PALMD: variants seen among roughly 807,000 people sequenced by gnomAD.
PALMD encodes paralemmin-like protein.
Under a neutral mutation model 56.2 loss-of-function variants are expected in PALMD, and 42 were observed. That is an observed-to-expected ratio of 0.75 (90% CI 0.58 to 0.97). PALMD has a LOEUF of 0.97. Among genes scored for constraint, PALMD ranks in the 50% least tolerant of loss-of-function variants. The pLI, the probability that PALMD is intolerant of heterozygous loss-of-function variation, is 0.00. For missense variants in PALMD, 660 were observed against 643.8 expected (o/e 1.03, Z -0.27); for synonymous variants, 242 against 222.9 (o/e 1.09, Z -0.76).
chr1:99,688,934 G>A lies in PALMD; in HGVS notation c.674G>A (p.Ser225Asn), dbSNP rs1453046458. ...KSVYAVSSNH[S>N]AAYNGTDGLA... ...GTGTATGCAGTAAGTTCTAATCACAGTGCAGCATACAATGGCACCGATGGC... is the reference window on the plus strand; with the variant it reads ...GTGTATGCAGTAAGTTCTAATCACAATGCAGCATACAATGGCACCGATGGC... The change falls in exon 7 of 8, where the codon AGT becomes AAT. Residue 225 changes from serine to asparagine, a missense_variant. Coordinates refer to ENST00000263174, the MANE Select transcript of PALMD (RefSeq NM_017734.5). The A allele has an allele frequency of 1.5e-5, 24 of 1,613,458 alleles. No individual in the cohort carries two copies. Among genetic ancestry groups the A allele is most frequent in the Non-Finnish European group, 1.9e-5 (22 of 1,179,634 alleles).
intron 2 of PALMD, among the ~76,000 whole-genome samples, chr1:99,664,493 C>T (rs1652917779): frequency 6.6e-6 from 1 of 152,080 alleles, no homozygotes; most frequent in South Asian, 2.1e-4. Context: ...GTAACTGATA[C>T]ATAAACTCAT....
chr1:99,688,520 C>G (rs1653567621), intron 6 of PALMD, among the ~76,000 whole-genome samples: 1 of 152,116 alleles, frequency 6.6e-6, no homozygotes, highest in Admixed American at 6.6e-5. Flanking sequence ...ATCAGCTTAT[C>G]TTCTCTAATC....
chr1:99,656,162 C>T (rs577584848), intron 1 of PALMD, among the ~76,000 whole-genome samples: 7 of 152,172 alleles, frequency 4.6e-5, no homozygotes, highest in African/African-American at 7.2e-5. Flanking sequence ...TCTTCTTACC[C>T]GACATCATTT....
intron 1 of PALMD, among the ~76,000 whole-genome samples, chr1:99,648,507 A>G (rs1410140044): frequency 1.3e-5 from 2 of 152,152 alleles, no homozygotes; most frequent in African/African-American, 4.8e-5. Context: ...AGAATCTCCA[A>G]CCTAGACTAA....
In PALMD at chr1:99,662,336, G is replaced by A. The variant is rs1216692232; in HGVS notation, c.63G>A (p.Gln21=). The A allele has an allele frequency of 6.4e-7, 1 of 1,560,254 alleles. No homozygotes were observed. The highest frequency in any genetic ancestry group is 2.3e-5 in the East Asian group (1 of 44,334). ...TATTTCAGGATAAAAGAAAAATACA[G>A]GAAGAAATCTCACAGAAGCGTCTGA... is the stretch of plus-strand genomic sequence containing the variant. The part of the protein sequence containing the change: ...LQAITDKRKI[Q]EEISQKRLKI... Residue 21 remains glutamine (Q), a synonymous_variant, in exon 2 of 8, where the codon CAG becomes CAA. Transcript: ENST00000263174.
intron 3 of PALMD, among the ~76,000 whole-genome samples, chr1:99,677,527 A>C (rs1401611689): frequency 2.6e-5 from 4 of 152,154 alleles, no homozygotes; most frequent in African/African-American, 9.7e-5. Flanking sequence ...TTGGCTATAC[A>C]GTCAAAGCCA....
At chr1:99,667,565 TA>T in intron 2 of PALMD, 76 bp from the exon 3 acceptor site, 2 of 1,200,660 alleles carry the variant, frequency 1.7e-6, no homozygotes, top group Non-Finnish European at 2.4e-6. Context: ...TTGAAATTCA[TA>T]AGATTTGAAA....
chr1:99,689,428 G>A lies in PALMD; in HGVS notation c.1168G>A (p.Glu390Lys), dbSNP rs1241073554. The change falls in exon 7 of 8, where the codon GAG (glutamate) becomes AAG (lysine). Residue 390 changes from glutamate (E) to lysine (K), a missense_variant. By Grantham distance (56) the Glu-to-Lys change is moderately conservative. Transcript: ENST00000263174. ...CCAGAATTCTTCACCCACTTGTCAG[G>A]AGGACGAGGAAGATGTCAGATATAA... Reference protein sequence around the residue: ...EHQNSSPTCQEDEEDVRYNIV... With the variant: ...EHQNSSPTCQKDEEDVRYNIV... The A allele has an allele frequency of 1.2e-6, 2 of 1,613,756 alleles. No homozygotes were observed. Among genetic ancestry groups the A allele is most frequent in the East Asian group, 2.2e-5 (1 of 44,854 alleles).
At chr1:99,656,969 T>C (rs1304778833) in intron 1 of PALMD, among the ~76,000 whole-genome samples, 1 of 152,214 alleles carries the variant, frequency 6.6e-6, no homozygotes, top group East Asian at 1.9e-4. Context: ...TCATTGCTCC[T>C]TTCAGTTATG....
Position 99,693,035 on chromosome 1 carries a change from T to G in PALMD, c.1613-984T>G, listed in dbSNP as rs1369787840. Among the ~76,000 whole-genome samples the G allele has an allele frequency of 2.0e-5, 3 of 152,234 alleles. No homozygotes were observed. The East Asian group carries it at 5.8e-4, about 29-fold the overall frequency. On this transcript the variant is annotated intron_variant, in intron 7 of 7. Transcript: ENST00000263174. ...AAATAATCATGGTCTTGTTACAGAATTAGATCCCATCCCTTCTCATATTTG... is the reference window on the plus strand; with the variant it reads ...AAATAATCATGGTCTTGTTACAGAAGTAGATCCCATCCCTTCTCATATTTG...
At chr1:99,675,118 T>A (rs937995202) in intron 3 of PALMD, among the ~76,000 whole-genome samples, 11 of 152,210 alleles carry the variant, frequency 7.2e-5, no homozygotes, top group African/African-American at 2.7e-4. Context: ...TATTTGTTGA[T>A]CTTCAAACAA....
intron 7 of PALMD, among the ~76,000 whole-genome samples, chr1:99,693,304 A>G (rs557779372): frequency 6.6e-6 from 1 of 152,352 alleles, no homozygotes; most frequent in African/African-American, 2.4e-5. Flanking sequence ...GCAGCTCTAC[A>G]CTGAAATCCT....
chr1:99,687,891 G>A (rs1168215645), intron 6 of PALMD, among the ~76,000 whole-genome samples: 1 of 111,614 alleles, frequency 9.0e-6, no homozygotes, highest in Non-Finnish European at 2.2e-5. Flanking sequence ...AGTCAAGGAA[G>A]GCCAAGAACC....
intron 3 of PALMD, chr1:99,684,512 T>A (rs139329750): frequency 6.6e-6 from 1 of 150,740 alleles, no homozygotes; most frequent in East Asian, 1.9e-4. Flanking sequence ...ATAAAGACAA[T>A]GAGTTTTATT....
At chr1:99,652,771 A>T (rs1652626391) in intron 1 of PALMD, among the ~76,000 whole-genome samples, 1 of 151,592 alleles carries the variant, frequency 6.6e-6, no homozygotes. Flanking sequence ...TCTATTGTTC[A>T]CTCTTATTAA....
At chr1:99,647,929 A>G (rs1436174573) in intron 1 of PALMD, among the ~76,000 whole-genome samples, 2 of 152,208 alleles carry the variant, frequency 1.3e-5, no homozygotes, top group Non-Finnish European at 2.9e-5. Context: ...GGCTGTATAC[A>G]GTTATTTCTA....
chr1:99,663,543 G>T (rs1652899614), intron 2 of PALMD, among the ~76,000 whole-genome samples: 1 of 151,588 alleles, frequency 6.6e-6, no homozygotes, highest in African/African-American at 2.4e-5. Context: ...GAGGTCATTT[G>T]CTCTCCTTTC....
chr1:99,690,933 A>G (rs1053505048), intron 7 of PALMD, among the ~76,000 whole-genome samples: 8 of 152,166 alleles, frequency 5.3e-5, no homozygotes, highest in African/African-American at 1.7e-4. Flanking sequence ...TCTACAACCC[A>G]TAAGCCCAAT....
intron 2 of PALMD, among the ~76,000 whole-genome samples, chr1:99,664,417 T>C (rs1652916506): frequency 6.6e-6 from 1 of 152,172 alleles, no homozygotes; most frequent in East Asian, 1.9e-4. Context: ...ACATATTATG[T>C]ACAAGCTATG....
Sources: gnomAD v4.1 joint callset for allele counts (sites outside exome capture counted in the v4.1 genomes callset) on GRCh38, gnomAD v4.1.1 for gene constraint, MANE v1.5 for transcripts, NCBI Gene and HGNC (gene_info 2026-07-23, HGNC 2026-07-21) for gene names.